Variants in ITFG2 observed in about 807,000 individuals in gnomAD.
ITFG2 encodes the protein integrin alpha FG-GAP repeat containing 2, also known as KICSTOR complex protein ITFG2.
In ITFG2, 36 loss-of-function variants were observed where a neutral mutation model predicts 54.4. The observed-to-expected ratio is 0.66, with a 90% CI of 0.51 to 0.87. ITFG2 has a LOEUF of 0.87. Among genes scored for constraint, ITFG2 ranks in the 40% least tolerant of loss-of-function variants. ITFG2 has a pLI of 0.00. For missense variants in ITFG2, 524 were observed against 576.7 expected, an observed-to-expected ratio of 0.91 and a Z score of 0.94; for synonymous variants, 211 against 225.4, an observed-to-expected ratio of 0.94 and a Z score of 0.57.
downstream of ITFG2, among the ~76,000 whole-genome samples, chr12:2,829,331 A>C (rs940242640): frequency 2.6e-5 from 4 of 152,262 alleles, no homozygotes; most frequent in Admixed American, 2.6e-4. Flanking sequence ...ATATACACAC[A>C]CATCGTTTTC....
At chr12:2,853,745 G>A (rs1005669423) in intron 2 of ITFG2, among the ~76,000 whole-genome samples, 1 of 152,104 alleles carries the variant, frequency 6.6e-6, no homozygotes, top group East Asian at 1.9e-4. Context: ...CATGCGTAGT[G>A]CCTGGGCTGG....
At chr12:2,857,764 C>G (rs1294981444) in intron 2 of ITFG2, 2 of 152,376 alleles carry the variant, frequency 1.3e-5, no homozygotes, top group Admixed American at 1.3e-4. Flanking sequence ...TAGGGTGGCT[C>G]TTTGCAAAGC....
intron 2 of ITFG2, chr12:2,848,902 C>CACACAG (rs2098061168): frequency 2.8e-6 from 1 of 362,926 alleles, no homozygotes; most frequent in South Asian, 3.0e-5. Flanking sequence ...CACACACACA[C>CACACAG]ACACACACAC....
At chr12:2,812,977 A>C (rs2097912792) in intron 1 of ITFG2, 121 bp downstream of exon 1, 5 of 767,610 alleles carry the variant, frequency 6.5e-6, no homozygotes, top group Non-Finnish European at 1.1e-5. Flanking sequence ...GCTAGTTTGG[A>C]GCGCTAGAGA....
At chr12:2,836,110 G>C (rs542115642), upstream of ITFG2, among the ~76,000 whole-genome samples, 3 of 152,342 alleles carry the variant, frequency 2.0e-5, no homozygotes, top group African/African-American at 7.2e-5. Flanking sequence ...CACCTATGTA[G>C]GCATTTCTCT....
intron 2 of ITFG2, among the ~76,000 whole-genome samples, chr12:2,844,135 G>A (rs1360084815): frequency 7.8e-6 from 1 of 128,250 alleles, no homozygotes; most frequent in Non-Finnish European, 1.6e-5. Flanking sequence ...GCACACGCTT[G>A]TGGTCCCAGC....
chr12:2,855,009 A>G, intron 2 of ITFG2: 1 of 1,536,212 alleles, frequency 6.5e-7, no homozygotes, highest in Non-Finnish European at 8.7e-7. Context: ...CTGTCCTGAA[A>G]ATCACCTGCT....
chr12:2,856,852 C>T lies in ITFG2; in HGVS notation n.301-1160C>T, dbSNP rs981579194. ...GGAAGACAGCAGAAAATGTATGGGC[C>T]AGGCAGTCTGCTGCCCAGAAGAAAG... On this transcript the variant is annotated intron_variant and non_coding_transcript_variant, in intron 2 of 3. Transcript: ENST00000537710. The T allele has an allele frequency of 1.0e-5, 7 of 685,568 alleles. No individual in the cohort carries two copies. The Admixed American group carries it at 1.2e-4, about 12-fold the overall frequency. 42.5% of individuals were successfully genotyped at this position (685,568 alleles called of 1,614,324 possible). A position where few individuals can be genotyped will look rare whatever the true frequency, so the allele number is the denominator to read the frequency against.
chr12:2,858,643 G>T, intron 3 of ITFG2: 1 of 1,613,588 alleles, frequency 6.2e-7, no homozygotes, highest in Non-Finnish European at 8.5e-7. Context: ...GGGCTCTACT[G>T]TAGCTCAGGA....
rs566397572 is a variant in ITFG2, at chr12:2,845,891, A to G, written n.300+4896A>G. Among the ~76,000 whole-genome samples the G allele has an allele frequency of 6.6e-6, 1 of 151,768 alleles. No homozygotes were observed. Among genetic ancestry groups the G allele is most frequent in the African/African-American group, 2.4e-5 (1 of 41,306 alleles). On this transcript the variant is annotated intron_variant and non_coding_transcript_variant, in intron 2 of 3. Transcript: ENST00000537710. This position sits in a 1 kb window ranked among gnomAD's most constrained non-coding sequence, Gnocchi z 4.2. Reference sequence around the variant, plus strand: ...TTCTTTTTCTTTTTTTTGTTGAGTTAGGGTCTCACTGTATTCCCCAGGCTG... The same window carrying G: ...TTCTTTTTCTTTTTTTTGTTGAGTTGGGGTCTCACTGTATTCCCCAGGCTG...
chr12:2,857,161 G>A, intron 2 of ITFG2: 1 of 689,538 alleles, frequency 1.5e-6, no homozygotes, highest in Non-Finnish European at 2.6e-6. Flanking sequence ...TGTCCCTGGA[G>A]CCTCTTGTGA....
At chr12:2,835,253 G>C (rs1413347860), upstream of ITFG2, 1 of 974,790 alleles carries the variant, frequency 1.0e-6, no homozygotes, top group African/African-American at 1.8e-5. Flanking sequence ...GCCCGTGCCA[G>C]GTGGTTTGCG....
At chr12:2,852,669 A>G (rs548907985) in intron 2 of ITFG2, among the ~76,000 whole-genome samples, 1 of 152,120 alleles carries the variant, frequency 6.6e-6, no homozygotes, top group Non-Finnish European at 1.5e-5. Context: ...TCGGCTAGGC[A>G]AGATACTTGA....
rs11611962 is a variant in ITFG2 at position 2,824,706 on chromosome 12, C to T, written c.*513C>T. On this transcript the variant is annotated 3_prime_UTR_variant, in exon 12 of 12. Transcript: ENST00000228799. ...GGATCTTTCTACAGTCTGGTCTTAC[C>T]CATGTTCCTAGCAACCCTGAGATGA... is the stretch of plus-strand genomic sequence containing the variant. 0.016 allele frequency: 2,661 copies of T among 161,816 alleles called. 34 individuals are homozygous for T. Among genetic ancestry groups the T allele is most frequent in the Non-Finnish European group, 0.021 (1,542 of 73,894 alleles). 10.0% of individuals were successfully genotyped at this position (161,816 alleles called of 1,614,324 possible). A position where few individuals can be genotyped will look rare whatever the true frequency, so the allele number is the denominator to read the frequency against.
intron 1 of ITFG2, among the ~76,000 whole-genome samples, chr12:2,816,999 C>T (rs907185049): frequency 2.0e-5 from 3 of 152,074 alleles, no homozygotes; most frequent in Non-Finnish European, 4.4e-5. Context: ...GCCATGTTGC[C>T]CAGGCTGGTC....
chr12:2,824,751 GC>G lies in ITFG2; in HGVS notation c.*559del, dbSNP rs201078245. On this transcript the variant is annotated 3_prime_UTR_variant, in exon 12 of 12. Transcript: ENST00000228799. ...AGATGATTTTCTTCCATTTACCAAA[GC>G]AGCCGGGTCAGTGCTTTCTCACGTT... 7.2e-3 allele frequency: 1,135 copies of G among 156,560 alleles called. 14 individuals carry two copies. The highest frequency in any genetic ancestry group is 0.026 in the African/African-American group (1,088 of 41,612). The allele number at this position is 156,560 out of a possible 1,614,324, so 9.7% of individuals were successfully genotyped here.
chr12:2,827,645 G>T (rs773735556), downstream of ITFG2: 3 of 1,614,188 alleles, frequency 1.9e-6, no homozygotes, highest in Non-Finnish European at 8.5e-7. This position sits in a 1 kb window ranked among gnomAD's most constrained non-coding sequence, Gnocchi z 4.0. Context: ...AGCAGAGTCT[G>T]CAGGCCCAGG....
At chr12:2,858,535 G>T (rs71583732) in intron 3 of ITFG2, 33 of 1,009,084 alleles carry the variant, frequency 3.3e-5, no homozygotes, top group Non-Finnish European at 4.6e-5. Context: ...ATGAGGAGCA[G>T]AACAGTCCCT....
rs746527574 is a variant in ITFG2 at position 2,823,790 on chromosome 12, G to C, written c.1087G>C (p.Gly363Arg). The change falls in exon 11 of 12, where the codon GGC becomes CGC. Residue 363 changes from glycine to arginine, a missense_variant. By Grantham distance (125) the Gly-to-Arg change is moderately radical. Coordinates refer to ENST00000228799, the MANE Select transcript of ITFG2 (RefSeq NM_018463.4). ...TCCAGGCCTGTACGCCTGCAAAGAG[G>C]GCCGCAACAGCCCCTGCCTCGTATA... ...FCAGLYACKE[G>R]RNSPCLVYVT... 1.3e-6 allele frequency: 2 copies of C among 1,576,262 alleles called. No individual in the cohort carries two copies. The highest frequency in any genetic ancestry group is 2.7e-5 in the African/African-American group (2 of 74,070).
Sources: gnomAD v4.1 joint callset for allele counts (sites outside exome capture counted in the v4.1 genomes callset) on GRCh38, gnomAD v4.1.1 for gene constraint, Gnocchi (gnomAD v3.1) non-coding constraint, MANE v1.5 for transcripts, NCBI Gene and HGNC (gene_info 2026-07-23, HGNC 2026-07-21) for gene names.